HIVEP3: variants seen among roughly 807,000 people sequenced by gnomAD.
HIVEP3 encodes the protein transcription factor HIVEP3.
Under a neutral mutation model 152.8 loss-of-function variants are expected in HIVEP3, and 49 were observed. That is an observed-to-expected ratio of 0.32 (90% confidence interval 0.26 to 0.41). The LOEUF (loss-of-function observed/expected upper bound fraction) is 0.41, where lower values mean the gene tolerates loss of function less well. Ranked by LOEUF, HIVEP3 falls within the 10% of genes least tolerant of loss-of-function variation. The pLI is 1.00. For synonymous variants in HIVEP3, 1,269 were observed against 1,289.0 expected (o/e 0.98, Z 0.33); for missense variants, 2,790 against 3,103.3 (o/e 0.90, Z 2.40).
At chr1:41,698,328 C>T (rs563518688) in intron 2 of HIVEP3, among the ~76,000 whole-genome samples, 196 of 152,222 alleles carry the variant, frequency 1.3e-3, no homozygotes, top group Non-Finnish European at 2.1e-3. Context: ...TGGGTAGAGA[C>T]TAAGTTTATT....
At chr1:41,764,059 T>C (rs544591553) in intron 1 of HIVEP3, among the ~76,000 whole-genome samples, 302 of 151,016 alleles carry the variant, frequency 2.0e-3, no homozygotes, top group Middle Eastern at 3.4e-3. Context: ...CCCAGAGCCC[T>C]GGTGTCCCAG....
rs1221068870 is a variant in HIVEP3, at chr1:41,508,857, A to G, written c.*1594T>C. 6.6e-6 allele frequency: 1 copy of G among 152,158 alleles called. No individual in the cohort carries two copies. Among genetic ancestry groups the G allele is most frequent in the Non-Finnish European group, 1.5e-5 (1 of 68,038 alleles). 9.4% of individuals were successfully genotyped at this position (152,158 alleles called of 1,614,324 possible). A position where few individuals can be genotyped will look rare whatever the true frequency, so the allele number is the denominator to read the frequency against. ...CCTGCTCTGTATAGGGTGGCATCAA[A>G]CCCAGCCTTCACGGGCCTCAACCGT... On this transcript the variant is annotated 3_prime_UTR_variant, in exon 9 of 9. Coordinates refer to ENST00000372583, the MANE Select transcript of HIVEP3 (RefSeq NM_024503.5).
intron 5 of HIVEP3, among the ~76,000 whole-genome samples, chr1:41,570,207 A>C (rs995591821): frequency 3.3e-5 from 5 of 152,158 alleles, no homozygotes; most frequent in Admixed American, 2.0e-4. Flanking sequence ...CGATGATGGG[A>C]CTCACTGAAG....
intron 1 of HIVEP3, among the ~76,000 whole-genome samples, chr1:42,027,957 G>A (rs1645591912): frequency 6.6e-6 from 1 of 152,102 alleles, no homozygotes. Flanking sequence ...GTTGAGATTT[G>A]GGTGGGGACA....
intron 1 of HIVEP3, among the ~76,000 whole-genome samples, chr1:41,854,116 C>CCT (rs1643685192): frequency 6.6e-6 from 1 of 151,870 alleles, no homozygotes; most frequent in Non-Finnish European, 1.5e-5. Context: ...TTTCTCTCTC[C>CCT]CTCTCTCTCT....
intron 1 of HIVEP3, among the ~76,000 whole-genome samples, chr1:41,987,274 A>T (rs1170717839): frequency 6.6e-6 from 1 of 152,226 alleles, no homozygotes; most frequent in Non-Finnish European, 1.5e-5. Flanking sequence ...CATTTTTCAT[A>T]GAAATAGAAA....
intron 1 of HIVEP3, among the ~76,000 whole-genome samples, chr1:41,884,855 G>A (rs988746494): frequency 6.7e-6 from 1 of 149,846 alleles, no homozygotes; most frequent in African/African-American, 2.4e-5. Context: ...AGGCCCAGGT[G>A]GGGGACAAGA....
intron 1 of HIVEP3, among the ~76,000 whole-genome samples, chr1:41,824,552 C>T (rs555033043): frequency 6.6e-5 from 10 of 151,964 alleles, no homozygotes; most frequent in African/African-American, 2.4e-4. Context: ...CCTCAACAAC[C>T]CAGTTACCAC....
intron 1 of HIVEP3, among the ~76,000 whole-genome samples, chr1:41,818,904 T>G (rs1285504016): frequency 6.6e-6 from 1 of 152,204 alleles, no homozygotes; most frequent in Non-Finnish European, 1.5e-5. Context: ...TAAGTAATTC[T>G]GGGGCAACCT....
intron 5 of HIVEP3, among the ~76,000 whole-genome samples, chr1:41,527,257 C>CTCCA: frequency 5.5e-5 from 6 of 108,994 alleles, no homozygotes; most frequent in Non-Finnish European, 8.1e-5. Context: ...ACACACACAC[C>CTCCA]CTCACATGCT....
At chr1:41,701,542 T>C (rs1646363176) in intron 1 of HIVEP3, among the ~76,000 whole-genome samples, 1 of 152,190 alleles carries the variant, frequency 6.6e-6, no homozygotes, top group African/African-American at 2.4e-5. Flanking sequence ...CCAAGTGACC[T>C]CTGTGCCAGG....
intron 2 of HIVEP3, among the ~76,000 whole-genome samples, chr1:41,680,798 G>A (rs1398220907): frequency 6.6e-6 from 1 of 152,174 alleles, no homozygotes; most frequent in East Asian, 1.9e-4. Flanking sequence ...TTTGTTAAGA[G>A]GGTAGACCTC....
At chr1:41,547,852 A>G (rs747562522) in intron 5 of HIVEP3, among the ~76,000 whole-genome samples, 3 of 150,710 alleles carry the variant, frequency 2.0e-5, no homozygotes, top group Non-Finnish European at 4.5e-5. Context: ...CTCCACGGAC[A>G]CCTTCCACCT....
intron 1 of HIVEP3, among the ~76,000 whole-genome samples, chr1:41,925,043 T>C (rs1644960884): frequency 6.6e-6 from 1 of 152,238 alleles, no homozygotes; most frequent in African/African-American, 2.4e-5. Context: ...ATGCTTGTTC[T>C]AGAACAGAGG....
At chr1:41,544,976 TATCACCGCC>T (rs1643689161) in intron 5 of HIVEP3, among the ~76,000 whole-genome samples, 2 of 3,552 alleles carry the variant, frequency 5.6e-4, no homozygotes, top group Admixed American at 4.1e-3. Flanking sequence ...CCACCACCAC[TATCACCGCC>T]ACCACCATCG....
intron 1 of HIVEP3, among the ~76,000 whole-genome samples, chr1:41,764,567 A>C (rs2124252161): frequency 6.6e-6 from 1 of 152,328 alleles, no homozygotes; most frequent in African/African-American, 2.4e-5. Context: ...TTAAAGGATA[A>C]GAGTCTGGGT....
At chr1:41,563,042 G>T (rs1407217382) in intron 5 of HIVEP3, among the ~76,000 whole-genome samples, 1 of 152,040 alleles carries the variant, frequency 6.6e-6, no homozygotes, top group African/African-American at 2.4e-5. Flanking sequence ...GGGCATGGCA[G>T]GGGTGCCATA....
intron 1 of HIVEP3, among the ~76,000 whole-genome samples, chr1:41,763,056 G>A (rs1233985942): frequency 1.3e-5 from 2 of 152,216 alleles, no homozygotes; most frequent in African/African-American, 2.4e-5. Flanking sequence ...GATGCCAAGT[G>A]AGAGGAGAGT....
chr1:42,032,334 A>C (rs1645617766), intron 1 of HIVEP3, among the ~76,000 whole-genome samples: 1 of 152,140 alleles, frequency 6.6e-6, no homozygotes, highest in African/African-American at 2.4e-5. Context: ...TTCACCTCTG[A>C]GTGAAGGAAG....
Sources: gnomAD v4.1 joint callset for allele counts (sites outside exome capture counted in the v4.1 genomes callset) on GRCh38, gnomAD v4.1.1 for gene constraint, MANE v1.5 for transcripts, NCBI Gene and HGNC (gene_info 2026-07-23, HGNC 2026-07-21) for gene names.